PREPL: variants seen among roughly 807,000 people sequenced by gnomAD.
The protein encoded by PREPL is prolyl endopeptidase like.
PREPL carries 77 observed loss-of-function variants against 70.6 expected under a neutral mutation model. The ratio of observed to expected loss-of-function variants is 1.09; its 90% CI spans 0.91 to 1.32. PREPL has a LOEUF of 1.32. PREPL is among the 40% of genes most tolerant of loss of function. The probability of loss-of-function intolerance (pLI) is 0.00; values close to 1 mark genes in which losing one functional copy is unlikely to be tolerated. For synonymous variants in PREPL, 315 were observed against 264.8 expected, an observed-to-expected ratio of 1.19 and a Z score of -1.84; for missense variants, 1,002 against 778.2, an observed-to-expected ratio of 1.29 and a Z score of -3.42.
chr2:44,355,420 A>G (rs1018196610), intron 1 of PREPL, among the ~76,000 whole-genome samples: 1 of 152,182 alleles, frequency 6.6e-6, no homozygotes, highest in African/African-American at 2.4e-5. Context: ...GTGGTGGCAC[A>G]TGCCTGTAAT....
intron 7 of PREPL, among the ~76,000 whole-genome samples, chr2:44,332,940 G>A (rs145250803): frequency 5.9e-5 from 9 of 152,228 alleles, no homozygotes; most frequent in African/African-American, 2.2e-4. Flanking sequence ...TTATTTTGGG[G>A]TATAATCTTG....
rs1558473545 is a variant in PREPL, at chr2:44,318,091, CACTGTTTTT to C, written c.*3256_*3264del. ...CACAATAATACTTAAAGGATCTCAA[CACTGTTTTT>C]TTTTTTTTTTGAGACAGTCTTGCTC... On this transcript the variant is annotated 3_prime_UTR_variant, in exon 14 of 14. Coordinates refer to ENST00000409411, the MANE Select transcript of PREPL (RefSeq NM_001171613.2). 2.5e-6 allele frequency: 1 copy of C among 400,774 alleles called. No individual in the cohort carries two copies. The highest frequency in any genetic ancestry group is 4.8e-6 in the Non-Finnish European group (1 of 208,538). 24.8% of individuals were successfully genotyped at this position (400,774 alleles called of 1,614,324 possible).
rs139802033 is a variant in PREPL at position 44,338,444 on chromosome 2, C to T, written c.795G>A (p.Met265Ile). 1.2e-6 allele frequency: 2 copies of T among 1,612,930 alleles called. No homozygotes were observed. The highest frequency in any genetic ancestry group is 2.7e-5 in the African/African-American group (2 of 74,902). The change falls in exon 7 of 14, where the codon ATG (methionine) becomes ATA (isoleucine). Residue 265 changes from methionine (M) to isoleucine (I), a missense_variant. By Grantham distance (10) the Met-to-Ile change is conservative. Coordinates refer to ENST00000409411, the MANE Select transcript of PREPL (RefSeq NM_001171613.2). ...GAAATAGAACACAGTGATCCTTAAACATGTCCAAGTCTATCACTTTTGTAT... is the reference window on the plus strand; with the variant it reads ...GAAATAGAACACAGTGATCCTTAAATATGTCCAAGTCTATCACTTTTGTAT... ...KRNTKVIDLD[M>I]FKDHCVLFLK...
At chr2:44,328,130 T>A (rs1264342936) in intron 9 of PREPL, among the ~76,000 whole-genome samples, 1 of 151,194 alleles carries the variant, frequency 6.6e-6, no homozygotes, top group Non-Finnish European at 1.5e-5. Context: ...TACAAAAATT[T>A]CAAAAATTAG....
chr2:44,337,614 T>C (rs909713092), intron 7 of PREPL, among the ~76,000 whole-genome samples: 1 of 152,186 alleles, frequency 6.6e-6, no homozygotes, highest in African/African-American at 2.4e-5. Context: ...TCTTTTCATA[T>C]CAAACAAAAT....
At chr2:44,353,567 G>A (rs1379475411) in intron 1 of PREPL, among the ~76,000 whole-genome samples, 5 of 150,470 alleles carry the variant, frequency 3.3e-5, no homozygotes, top group Non-Finnish European at 5.9e-5. Context: ...CAACCTGGGC[G>A]ACAGAGCGAG....
At chr2:44,355,557 G>A (rs529153094) in intron 1 of PREPL, among the ~76,000 whole-genome samples, 115 of 151,892 alleles carry the variant, frequency 7.6e-4, no homozygotes, top group African/African-American at 2.7e-3. Flanking sequence ...TCAAAAAAAA[G>A]CAATCACCCT....
intron 7 of PREPL, among the ~76,000 whole-genome samples, chr2:44,336,126 G>A (rs1376850662): frequency 6.6e-6 from 1 of 152,174 alleles, no homozygotes; most frequent in Non-Finnish European, 1.5e-5. Flanking sequence ...TTCAGCCACT[G>A]TGGAAAGCAG....
At chr2:44,334,347 A>G (rs1674420976) in intron 7 of PREPL, among the ~76,000 whole-genome samples, 1 of 152,180 alleles carries the variant, frequency 6.6e-6, no homozygotes, top group South Asian at 2.1e-4. Flanking sequence ...CCGAAAGAAA[A>G]TTGGCCTGAA....
chr2:44,345,886 A>G (rs1451526511), intron 2 of PREPL, among the ~76,000 whole-genome samples: 1 of 152,148 alleles, frequency 6.6e-6, no homozygotes, highest in Non-Finnish European at 1.5e-5. Context: ...TCACACCTAT[A>G]ATCTCAGCAC....
chr2:44,341,677 T>C (rs1572890239), intron 5 of PREPL, among the ~76,000 whole-genome samples: 1 of 151,942 alleles, frequency 6.6e-6, no homozygotes, highest in East Asian at 1.9e-4. Flanking sequence ...CTATCGACAA[T>C]TATTTTTAAA....
At chr2:44,338,586 G>A in intron 6 of PREPL, 50 bp from the exon 7 acceptor site, 2 of 1,436,222 alleles carry the variant, frequency 1.4e-6, no homozygotes, top group Non-Finnish European at 1.9e-6. Flanking sequence ...CACGAAGGCT[G>A]CAGCATCCAG....
In PREPL at chr2:44,337,304, T is replaced by G. The variant is rs141588352; in HGVS notation, c.888+1047A>C. On this transcript the variant is annotated intron_variant, in intron 7 of 13. Transcript: ENST00000409411. Reference sequence around the variant, plus strand: ...TACCAAAAGCTTTCCTGGGCCTTCTTCTCTAGTTTGAGCCCCACAGCACAT... The same window carrying G: ...TACCAAAAGCTTTCCTGGGCCTTCTGCTCTAGTTTGAGCCCCACAGCACAT... Among the ~76,000 whole-genome samples, 814 of 152,306 alleles carry G rather than the reference T, an allele frequency of 5.3e-3. 21 individuals are homozygous for G. Among genetic ancestry groups the G allele is most frequent in the Non-Finnish European group, 4.2e-3 (289 of 68,028 alleles).
intron 10 of PREPL, among the ~76,000 whole-genome samples, chr2:44,325,339 C>T (rs551775203): frequency 6.6e-6 from 1 of 152,328 alleles, no homozygotes; most frequent in Non-Finnish European, 1.5e-5. Flanking sequence ...GTTGCACTGG[C>T]AGTGTGAGGT....
At chr2:44,357,952 G>T (rs990655866) in intron 1 of PREPL, among the ~76,000 whole-genome samples, 1 of 152,082 alleles carries the variant, frequency 6.6e-6, no homozygotes, top group Non-Finnish European at 1.5e-5. Flanking sequence ...AAAAGGAAAA[G>T]AATTTCAAAG....
At chr2:44,354,833 T>C (rs1676841255) in intron 1 of PREPL, among the ~76,000 whole-genome samples, 1 of 152,192 alleles carries the variant, frequency 6.6e-6, no homozygotes, top group Admixed American at 6.5e-5. Flanking sequence ...CGCCTCAGCC[T>C]CCCAAAGTGC....
At chr2:44,348,488 C>T (rs1457323487) in intron 1 of PREPL, among the ~76,000 whole-genome samples, 1 of 152,170 alleles carries the variant, frequency 6.6e-6, no homozygotes, top group Non-Finnish European at 1.5e-5. Context: ...TATCTCTCTA[C>T]TACCCTGTAG....
At chr2:44,347,364 T>G (rs1426368735) in intron 1 of PREPL, 2 of 152,112 alleles carry the variant, frequency 1.3e-5, no homozygotes, top group Non-Finnish European at 2.9e-5. Flanking sequence ...TAATGCCTAA[T>G]GAAACAGAGC....
chr2:44,330,948 T>A (rs1044425170), intron 8 of PREPL, among the ~76,000 whole-genome samples: 2 of 152,108 alleles, frequency 1.3e-5, no homozygotes, highest in Non-Finnish European at 2.9e-5. Context: ...TCCTTTATAT[T>A]TGTTCTTTTT....
Sources: allele counts gnomAD v4.1 joint callset (sites outside exome capture counted in the v4.1 genomes callset), GRCh38; gene constraint gnomAD v4.1.1; transcripts MANE v1.5; gene names NCBI Gene and HGNC (gene_info 2026-07-23, HGNC 2026-07-21).